Variants in USH2A observed in about 807,000 individuals in gnomAD.
USH2A encodes the protein usherin.
In USH2A, 443 loss-of-function variants were observed where a neutral mutation model predicts 538.9. That is an observed-to-expected ratio of 0.82 (90% confidence interval 0.76 to 0.89). The LOEUF (loss-of-function observed/expected upper bound fraction) is 0.89. Among genes scored for constraint, USH2A ranks in the 40% least tolerant of loss-of-function variants. The probability of loss-of-function intolerance (pLI) is 0.00; values close to 1 mark genes in which losing one functional copy is unlikely to be tolerated. For missense variants in USH2A, 6,633 were observed against 6,324.8 expected (o/e 1.05, Z -1.65); for synonymous variants, 2,413 against 2,273.5 (o/e 1.06, Z -1.75).
At chr1:216,025,550 C>A (rs914256901) in intron 32 of USH2A, among the ~76,000 whole-genome samples, 7 of 151,978 alleles carry the variant, frequency 4.6e-5, no homozygotes, top group South Asian at 4.1e-4. Context: ...GTCATTAAAA[C>A]CACATAGTAT....
chr1:215,873,030 G>A (rs984914617), intron 43 of USH2A, among the ~76,000 whole-genome samples: 1 of 152,002 alleles, frequency 6.6e-6, no homozygotes, highest in African/African-American at 2.4e-5. Flanking sequence ...CCAGTCTCAG[G>A]TGTTTCTTTA....
chr1:215,971,397 C>T lies in USH2A; in HGVS notation c.6806-621G>A, dbSNP rs1307937068. Reference sequence around the variant, plus strand: ...TAAGCATTGAAAATCTGCAGCAACCCAATCAAGATAGAACAGGAAGGACAT... The same window carrying T: ...TAAGCATTGAAAATCTGCAGCAACCTAATCAAGATAGAACAGGAAGGACAT... On this transcript the variant is annotated intron_variant, in intron 35 of 71. Transcript: ENST00000307340. 3.9e-5 allele frequency among the ~76,000 whole-genome samples: 6 copies of T among 152,066 alleles called. No individual in the cohort carries two copies. In the East Asian group the frequency reaches 1.2e-3, roughly 29 times the overall value.
At chr1:215,802,428 G>T (rs1412062471) in intron 49 of USH2A, among the ~76,000 whole-genome samples, 1 of 151,840 alleles carries the variant, frequency 6.6e-6, no homozygotes, top group Non-Finnish European at 1.5e-5. Flanking sequence ...ATGAAACAAA[G>T]ACCTTATTTT....
chr1:216,394,548 T>G (rs1207106633), intron 3 of USH2A, among the ~76,000 whole-genome samples: 1 of 152,150 alleles, frequency 6.6e-6, no homozygotes, highest in Non-Finnish European at 1.5e-5. Context: ...TATATGTATT[T>G]GAAAGACAAA....
chr1:215,726,725 C>T (rs1484509289), intron 61 of USH2A, among the ~76,000 whole-genome samples: 1 of 151,982 alleles, frequency 6.6e-6, no homozygotes, highest in African/African-American at 2.4e-5. Context: ...TATTTCACTC[C>T]CAAGACCACA....
chr1:215,977,428 G>A (rs7527240), intron 35 of USH2A, among the ~76,000 whole-genome samples: 24,041 of 151,936 alleles, frequency 0.16, 2,135 homozygotes, highest in African/African-American at 0.24. Flanking sequence ...TAGCTCTGGG[G>A]AAAGTAAGAT....
chr1:216,326,662 T>G (rs2102657633), intron 5 of USH2A, among the ~76,000 whole-genome samples: 1 of 152,268 alleles, frequency 6.6e-6, no homozygotes, highest in South Asian at 2.1e-4. Context: ...TGGCACCCTT[T>G]ACTGAGGCAT....
intron 15 of USH2A, 50 bp from the exon 16 acceptor site, chr1:216,207,481 A>G: frequency 6.2e-7 from 1 of 1,610,006 alleles, no homozygotes; most frequent in Admixed American, 1.7e-5. Flanking sequence ...CAATAAACAG[A>G]AAAGCAAACT....
chr1:216,112,931 C>T (rs1271640648), intron 21 of USH2A, among the ~76,000 whole-genome samples: 1 of 151,736 alleles, frequency 6.6e-6, no homozygotes, highest in South Asian at 2.1e-4. Flanking sequence ...AGCATGTGTC[C>T]TTAGGGTAGA....
At chr1:216,378,770 C>T (rs530431789) in intron 3 of USH2A, among the ~76,000 whole-genome samples, 1 of 152,134 alleles carries the variant, frequency 6.6e-6, no homozygotes, top group African/African-American at 2.4e-5. Flanking sequence ...TCACTGCATT[C>T]GTCTCAACAT....
intron 34 of USH2A, among the ~76,000 whole-genome samples, chr1:215,998,465 G>A (rs951840110): frequency 6.6e-6 from 1 of 151,912 alleles, no homozygotes; most frequent in Non-Finnish European, 1.5e-5. Flanking sequence ...AATATTTGAC[G>A]GTCATTTAAA....
chr1:216,147,866 C>A (rs58504437), intron 21 of USH2A, among the ~76,000 whole-genome samples: 6 of 150,528 alleles, frequency 4.0e-5, no homozygotes, highest in South Asian at 2.1e-4. Flanking sequence ...GCCCGCAGCC[C>A]GGGATTCCTC....
intron 4 of USH2A, among the ~76,000 whole-genome samples, chr1:216,336,330 T>C (rs1017795105): frequency 1.3e-5 from 2 of 151,310 alleles, no homozygotes; most frequent in African/African-American, 4.8e-5. Context: ...GCTTTTTCCC[T>C]AAGATCAGGA....
intron 16 of USH2A, among the ~76,000 whole-genome samples, chr1:216,206,449 G>A (rs765661280): frequency 1.6e-4 from 24 of 152,000 alleles, no homozygotes; most frequent in African/African-American, 5.1e-4. Flanking sequence ...TAGATCCCTC[G>A]CATGCACAGT....
chr1:215,634,817 G>A, intron 69 of USH2A, 114 bp from the exon 70 acceptor site: 1 of 1,555,840 alleles, frequency 6.4e-7, no homozygotes. Context: ...AAAGCAGTTT[G>A]TCTCTTACTG....
At chr1:216,272,938 G>A (rs1437525461) in intron 11 of USH2A, among the ~76,000 whole-genome samples, 3 of 152,056 alleles carry the variant, frequency 2.0e-5, no homozygotes, top group Non-Finnish European at 4.4e-5. Context: ...AGGATCAATG[G>A]TTATGTGGCC....
intron 14 of USH2A, among the ~76,000 whole-genome samples, chr1:216,219,076 C>A (rs895948115): frequency 6.6e-6 from 1 of 151,870 alleles, no homozygotes; most frequent in Non-Finnish European, 1.5e-5. Context: ...GTTTTTATTA[C>A]CATTCACTCA....
intron 22 of USH2A, among the ~76,000 whole-genome samples, chr1:216,090,019 A>G (rs959240986): frequency 6.6e-6 from 1 of 152,022 alleles, no homozygotes; most frequent in Admixed American, 6.6e-5. Context: ...TAAAAATAAA[A>G]AAGAAATTAC....
intron 47 of USH2A, among the ~76,000 whole-genome samples, chr1:215,823,307 G>A (rs916875742): frequency 1.3e-5 from 2 of 151,970 alleles, no homozygotes; most frequent in Non-Finnish European, 2.9e-5. Context: ...TTTATTGTAT[G>A]CAGTACTTTT....
Sources: allele counts gnomAD v4.1 joint callset (sites outside exome capture counted in the v4.1 genomes callset), GRCh38; gene constraint gnomAD v4.1.1; transcripts MANE v1.5; gene names NCBI Gene and HGNC (gene_info 2026-07-23, HGNC 2026-07-21).